The following RACGAP1 variants were observed in gnomAD, a reference collection of about 807,000 sequenced individuals.
The protein encoded by RACGAP1 is Rac GTPase activating protein 1, also known as rac GTPase-activating protein 1.
A neutral mutation model predicts 78.1 loss-of-function variants in RACGAP1; 30 were observed. The ratio of observed to expected loss-of-function variants is 0.38; its 90% CI spans 0.29 to 0.52. The LOEUF is 0.52. RACGAP1 is among the 20% of genes least tolerant of loss of function. The pLI, the probability that RACGAP1 is intolerant of heterozygous loss-of-function variation, is 0.82. For synonymous variants in RACGAP1, 231 were observed against 264.8 expected, an observed-to-expected ratio of 0.87 and a Z score of 1.24; for missense variants, 587 against 777.1, an observed-to-expected ratio of 0.76 and a Z score of 2.91.
At chr12:50,025,660 GT>G (rs3830366), upstream of RACGAP1, 10 of 543,134 alleles carry the variant, frequency 1.8e-5, no homozygotes, top group East Asian at 1.5e-4. Context: ...CGGTTTTTCG[GT>G]TTTTTTTGTT....
intron 1 of RACGAP1, 22 bp from the exon 2 acceptor site, chr12:50,016,741 A>AT: frequency 1.9e-6 from 3 of 1,610,086 alleles, no homozygotes; most frequent in Non-Finnish European, 2.5e-6. Context: ...TCAAATATAC[A>AT]TTAGGGGTCC....
chr12:50,017,189 A>G (rs1949727862), intron 1 of RACGAP1: 2 of 620,280 alleles, frequency 3.2e-6, no homozygotes, highest in Non-Finnish European at 4.0e-6. Flanking sequence ...AATGCAGGAC[A>G]TGGTCAGCAC....
At chr12:49,996,628 TAAAAAAAAAAAAAAAAAAAA>T (rs57512055) in intron 10 of RACGAP1, among the ~76,000 whole-genome samples, 60 of 18,998 alleles carry the variant, frequency 3.2e-3, no homozygotes, top group East Asian at 9.3e-3. Context: ...GCAATAGAGC[TAAAAAAAAAAAAAAAAAAAA>T]AAAAAAAAAA....
chr12:50,025,464 A>C lies in RACGAP1; in HGVS notation c.-71T>G. 1 of 985,698 alleles carries C rather than the reference A, an allele frequency of 1.0e-6. No individual in the cohort carries two copies. The highest frequency in any genetic ancestry group is 1.2e-6 in the Non-Finnish European group (1 of 830,136). 61.1% of individuals were successfully genotyped at this position (985,698 alleles called of 1,614,324 possible). A position where few individuals can be genotyped will look rare whatever the true frequency, so the allele number is the denominator to read the frequency against. On this transcript the variant is annotated 5_prime_UTR_variant, in exon 1 of 17. Coordinates refer to ENST00000312377, the MANE Select transcript of RACGAP1 (RefSeq NM_001319999.2). Reference sequence around the variant, plus strand: ...TCCGCGCCTCACCCAACGGCAGAGCAGCGCCGCGCCCACAGCTCCGGTTTG... The same window carrying C: ...TCCGCGCCTCACCCAACGGCAGAGCCGCGCCGCGCCCACAGCTCCGGTTTG...
chr12:50,005,383 T>A lies in RACGAP1; in HGVS notation c.298A>T (p.Ile100Phe), dbSNP rs140668667. 5 of 1,614,040 alleles carry A rather than the reference T, an allele frequency of 3.1e-6. No homozygotes were observed. Among genetic ancestry groups the A allele is most frequent in the African/African-American group, 1.3e-5 (1 of 74,954 alleles). Reference protein sequence around the residue: ...EADCEKLERQIQLIREMLMCD... With the variant: ...EADCEKLERQFQLIREMLMCD... ...ATGAGCATCTCTCGAATCAGCTGAA[T>A]CTGTCGTTCCTACAGACCAAAGCAA... The change falls in exon 4 of 17, where the codon ATT becomes TTT. Residue 100 changes from isoleucine to phenylalanine, a missense_variant. Coordinates refer to ENST00000312377, the MANE Select transcript of RACGAP1 (RefSeq NM_001319999.2).
chr12:50,015,820 A>T (rs12319719), intron 2 of RACGAP1, among the ~76,000 whole-genome samples: 320 of 150,474 alleles, frequency 2.1e-3, no homozygotes, highest in Admixed American at 7.6e-3. Context: ...AAAAAAAATT[A>T]AAAAAATTTA....
intron 2 of RACGAP1, among the ~76,000 whole-genome samples, chr12:50,010,856 C>T (rs1949280144): frequency 2.6e-5 from 4 of 151,246 alleles, no homozygotes; most frequent in East Asian, 2.0e-4. Flanking sequence ...CACTTGAACC[C>T]GGGAGGTGGA....
At chr12:49,992,498 C>T in intron 13 of RACGAP1, 52 bp downstream of exon 13, 1 of 1,588,796 alleles carries the variant, frequency 6.3e-7, no homozygotes, top group South Asian at 1.1e-5. Flanking sequence ...ACATTATCTT[C>T]CCCTTGGAAA....
upstream of RACGAP1, among the ~76,000 whole-genome samples, chr12:50,030,014 T>TAATC (rs139989214): frequency 3.8e-3 from 582 of 152,326 alleles, 5 homozygotes; most frequent in African/African-American, 0.013. Flanking sequence ...CTCATGCCTG[T>TAATC]AATCCCAGTG....
intron 2 of RACGAP1, among the ~76,000 whole-genome samples, chr12:50,014,665 TC>T (rs910838098): frequency 1.5e-4 from 23 of 151,932 alleles, no homozygotes; most frequent in Middle Eastern, 3.4e-3. Context: ...CCAGTGATCC[TC>T]CCACCTCAGC....
At chr12:50,010,266 TTAAC>T (rs1394029713) in intron 2 of RACGAP1, among the ~76,000 whole-genome samples, 4 of 152,002 alleles carry the variant, frequency 2.6e-5, no homozygotes, top group Non-Finnish European at 5.9e-5. Flanking sequence ...TTTTAAAATA[TTAAC>T]TTTCATTCTG....
intron 5 of RACGAP1, among the ~76,000 whole-genome samples, chr12:50,003,023 CAA>C (rs11326258): frequency 4.1e-4 from 26 of 64,144 alleles, no homozygotes; most frequent in African/African-American, 5.8e-4. Context: ...GACTCTGTCT[CAA>C]AAAAAAAAAA....
chr12:49,991,959 G>A (rs911486962), intron 15 of RACGAP1, 39 bp downstream of exon 15: 4 of 1,606,938 alleles, frequency 2.5e-6, no homozygotes, highest in Non-Finnish European at 3.4e-6. Flanking sequence ...AAACTAAAGA[G>A]AGAGTCAAGT....
At chr12:50,002,971 C>G (rs959885334) in intron 5 of RACGAP1, among the ~76,000 whole-genome samples, 1 of 147,892 alleles carries the variant, frequency 6.8e-6, no homozygotes, top group Non-Finnish European at 1.5e-5. Flanking sequence ...TTGCAGTGAG[C>G]TGAGATTGCG....
In RACGAP1 at chr12:50,005,256, C is replaced by T; in HGVS notation, c.425G>A (p.Arg142Lys). The change falls in exon 4 of 17, where the codon AGA becomes AAA. Residue 142 changes from arginine to lysine, a missense_variant and splice_region_variant. Coordinates refer to ENST00000312377, the MANE Select transcript of RACGAP1 (RefSeq NM_001319999.2). ...ATAACAACAGATGCAGTTCCTCCAC[C>T]TTTTGTTCCCAGCATTGCTGCTGGA... The part of the protein sequence containing the change: ...QPSSSNAGNK[R>K]LSTIDESGSI... The T allele has an allele frequency of 1.2e-6, 2 of 1,614,050 alleles. No individual in the cohort carries two copies. The highest frequency in any genetic ancestry group is 1.7e-6 in the Non-Finnish European group (2 of 1,179,978).
intron 1 of RACGAP1, chr12:50,021,248 A>G (rs1949990204): frequency 5.3e-6 from 2 of 374,596 alleles, no homozygotes; most frequent in Non-Finnish European, 7.3e-6. Context: ...AACAGCTGTC[A>G]CTTTCCACAA....
Position 49,990,107 on chromosome 12 carries a change from GATAT to G in RACGAP1, c.*157_*160del. On this transcript the variant is annotated 3_prime_UTR_variant, in exon 17 of 17. Transcript: ENST00000312377. ...TGTGACTTGAGGAGAAGGAAGGGGA[GATAT>G]ATATAGTTTTAATAAAACCCTCATG... The G allele has an allele frequency of 1.9e-6, 1 of 531,380 alleles. No homozygotes were observed. Among genetic ancestry groups the G allele is most frequent in the East Asian group, 2.8e-5 (1 of 35,796 alleles). The allele number at this position is 531,380 out of a possible 1,614,324, so 32.9% of individuals were successfully genotyped here.
At position 50,022,242 on chromosome 12, in the gene RACGAP1, A is replaced by G. The variant is rs79512259; in HGVS notation, c.-5+3156T>C. 8.0e-3 allele frequency among the ~76,000 whole-genome samples: 1,212 copies of G among 152,328 alleles called. 16 individuals carry two copies. The highest frequency in any genetic ancestry group is 0.027 in the African/African-American group (1,129 of 41,572). On this transcript the variant is annotated intron_variant, in intron 1 of 16. Coordinates refer to ENST00000312377, the MANE Select transcript of RACGAP1 (RefSeq NM_001319999.2). ...TTATTATCTATAACATTCATTTAGC[A>G]GATACAAAAATACTGTTTATTATTA... is the stretch of plus-strand genomic sequence containing the variant.
Position 50,005,312 on chromosome 12 carries a change from T to C in RACGAP1, c.369A>G (p.Ser123=), listed in dbSNP as rs1187183734. 1.1e-5 allele frequency: 18 copies of C among 1,614,250 alleles called. No homozygotes were observed. Among genetic ancestry groups the C allele is most frequent in the Non-Finnish European group, 1.5e-5 (18 of 1,180,032 alleles). Reference sequence around the variant, plus strand: ...GGCCTCTGTTGAGAAAAGCCAGAGCTGATTTTTGCTCCTCGCTTAGTTGAA... The same window carrying C: ...GGCCTCTGTTGAGAAAAGCCAGAGCCGATTTTTGCTCCTCGCTTAGTTGAA... The part of the protein sequence containing the change: ...GSIQLSEEQK[S]ALAFLNRGQP... Residue 123 remains serine (S), a synonymous_variant, in exon 4 of 17, where the codon TCA becomes TCG. Coordinates refer to ENST00000312377, the MANE Select transcript of RACGAP1 (RefSeq NM_001319999.2).
Sources: allele counts gnomAD v4.1 joint callset (sites outside exome capture counted in the v4.1 genomes callset), GRCh38; gene constraint gnomAD v4.1.1; transcripts MANE v1.5; gene names NCBI Gene and HGNC (gene_info 2026-07-23, HGNC 2026-07-21).